CNTNAP2: variants seen among roughly 807,000 people sequenced by gnomAD.
CNTNAP2 encodes contactin associated protein 2.
A neutral mutation model predicts 155.2 loss-of-function variants in CNTNAP2; 98 were observed. The ratio of observed to expected loss-of-function variants is 0.63; its 90% confidence interval spans 0.54 to 0.75. The LOEUF (loss-of-function observed/expected upper bound fraction) is 0.75, where lower values mean the gene tolerates loss of function less well. Among genes scored for constraint, CNTNAP2 ranks in the 30% least tolerant of loss-of-function variants. CNTNAP2 has a pLI of 0.00. For missense variants in CNTNAP2, 1,727 were observed against 1,688.1 expected, an observed-to-expected ratio of 1.02 and a Z score of -0.40; for synonymous variants, 651 against 631.2, an observed-to-expected ratio of 1.03 and a Z score of -0.47.
At chr7:146,728,297 G>GCAGC (rs1229458737) in intron 1 of CNTNAP2, among the ~76,000 whole-genome samples, 1 of 152,176 alleles carries the variant, frequency 6.6e-6, no homozygotes, top group Non-Finnish European at 1.5e-5. Flanking sequence ...GTCAAGATAA[G>GCAGC]TAGCTGTAAT....
At chr7:146,170,932 G>A (rs1584785252) in intron 1 of CNTNAP2, among the ~76,000 whole-genome samples, 1 of 152,048 alleles carries the variant, frequency 6.6e-6, no homozygotes, top group Admixed American at 6.6e-5. Flanking sequence ...GAGGCTCAGG[G>A]AGGAGAATCG....
At chr7:147,767,266 A>C (rs938477206) in intron 13 of CNTNAP2, among the ~76,000 whole-genome samples, 2 of 152,104 alleles carry the variant, frequency 1.3e-5, no homozygotes, top group Non-Finnish European at 2.9e-5. Context: ...AAACAAAACA[A>C]AACAAAACAA....
intron 13 of CNTNAP2, among the ~76,000 whole-genome samples, chr7:147,743,991 C>A (rs1161131644): frequency 3.9e-5 from 6 of 152,124 alleles, no homozygotes; most frequent in African/African-American, 1.4e-4. Context: ...CTGTCATTCT[C>A]CTTATTTGAA....
At chr7:146,388,259 T>C (rs1393066158) in intron 1 of CNTNAP2, among the ~76,000 whole-genome samples, 1 of 151,826 alleles carries the variant, frequency 6.6e-6, no homozygotes, top group Non-Finnish European at 1.5e-5. Flanking sequence ...GGCAAAACCC[T>C]GTTTCTACAA....
At position 147,108,594 on chromosome 7, in the gene CNTNAP2, A is replaced by G. The variant is rs151126448; in HGVS notation, c.754+244A>G. ...GGCCTACAGCAAGGAACAAATAGAC[A>G]AGATCCTTAAGCTCATTAAGTTCAT... On this transcript the variant is annotated intron_variant, in intron 5 of 23. Transcript: ENST00000361727. 3.9e-5 allele frequency among the ~76,000 whole-genome samples: 6 copies of G among 152,322 alleles called. No individual in the cohort carries two copies. In the East Asian group the frequency reaches 1.2e-3, roughly 29 times the overall value.
intron 13 of CNTNAP2, among the ~76,000 whole-genome samples, chr7:147,690,861 T>C (rs1243128538): frequency 6.6e-6 from 1 of 152,176 alleles, no homozygotes; most frequent in Non-Finnish European, 1.5e-5. Context: ...AAAATTATAT[T>C]GTATTTGCAA....
At chr7:147,326,131 A>G (rs529849180) in intron 9 of CNTNAP2, among the ~76,000 whole-genome samples, 9 of 152,238 alleles carry the variant, frequency 5.9e-5, no homozygotes, top group East Asian at 5.8e-4. Context: ...TCACCGTGTT[A>G]GCCAGGATGG....
At chr7:147,233,927 ATC>A (rs1307191047) in intron 8 of CNTNAP2, among the ~76,000 whole-genome samples, 5 of 151,724 alleles carry the variant, frequency 3.3e-5, no homozygotes, top group African/African-American at 1.2e-4. Flanking sequence ...TCTTTATTAC[ATC>A]TCTTTGTAAT....
chr7:146,638,113 A>G (rs1162575675), intron 1 of CNTNAP2, among the ~76,000 whole-genome samples: 1 of 152,152 alleles, frequency 6.6e-6, no homozygotes, highest in Non-Finnish European at 1.5e-5. Flanking sequence ...CTTTTATTGA[A>G]TGTTGTTCTA....
At chr7:148,074,547 G>T (rs1803443773) in intron 15 of CNTNAP2, among the ~76,000 whole-genome samples, 1 of 152,024 alleles carries the variant, frequency 6.6e-6, no homozygotes, top group Non-Finnish European at 1.5e-5. Context: ...AAAATTGCTG[G>T]GCGTGGTGGC....
intron 20 of CNTNAP2, among the ~76,000 whole-genome samples, chr7:148,237,918 G>A (rs759209333): frequency 4.6e-5 from 7 of 152,112 alleles, no homozygotes; most frequent in Non-Finnish European, 1.0e-4. Context: ...GACTTGAGAG[G>A]GCCTTAATGA....
At chr7:146,675,282 T>G (rs1333092057) in intron 1 of CNTNAP2, among the ~76,000 whole-genome samples, 1 of 152,186 alleles carries the variant, frequency 6.6e-6, no homozygotes, top group Admixed American at 6.5e-5. Flanking sequence ...TGACATACCC[T>G]CCTGTTTGGT....
chr7:147,601,596 A>G lies in CNTNAP2; in HGVS notation c.1898-37510A>G, dbSNP rs576476426. ...CTTAGCTTGGGCTCAGAGGCCTGAC[A>G]AGTATATTTTAGTATGTATCTCTTA... On this transcript the variant is annotated intron_variant, in intron 12 of 23. Transcript: ENST00000361727. Among the ~76,000 whole-genome samples, 138 of 149,424 alleles carry G rather than the reference A, an allele frequency of 9.2e-4. 3 individuals are homozygous for G. The Middle Eastern group carries it at 0.014, about 15-fold the overall frequency.
intron 10 of CNTNAP2, among the ~76,000 whole-genome samples, chr7:147,458,620 TG>T (rs1797963441): frequency 6.6e-6 from 1 of 152,196 alleles, no homozygotes; most frequent in Admixed American, 6.5e-5. Flanking sequence ...CCCCTTGGCA[TG>T]GCAACCTTTG....
At position 147,937,347 on chromosome 7, in the gene CNTNAP2, T is replaced by C. The variant is rs533373364; in HGVS notation, c.2255+33626T>C. Among the ~76,000 whole-genome samples the C allele has an allele frequency of 2.6e-5, 4 of 152,210 alleles. No homozygotes were observed. In the South Asian group the frequency reaches 8.3e-4, roughly 32 times the overall value. The stretch of plus-strand genomic sequence containing the variant: ...CTTCCCACCTAAATACATTCAACCA[T>C]CATAACACATTCCAAAATACAGTGG... On this transcript the variant is annotated intron_variant, in intron 14 of 23. Coordinates refer to ENST00000361727, the MANE Select transcript of CNTNAP2 (RefSeq NM_014141.6).
At chr7:147,019,243 G>A (rs1798778457) in intron 3 of CNTNAP2, among the ~76,000 whole-genome samples, 1 of 151,940 alleles carries the variant, frequency 6.6e-6, no homozygotes, top group Non-Finnish European at 1.5e-5. Context: ...GTGTCAAACA[G>A]CATTTCTACA....
chr7:147,887,539 G>A (rs1348683098), intron 13 of CNTNAP2, among the ~76,000 whole-genome samples: 3 of 152,130 alleles, frequency 2.0e-5, no homozygotes, highest in Non-Finnish European at 1.5e-5. Context: ...GCAAGAAATT[G>A]AGGAAGATCC....
chr7:147,939,069 A>G (rs1234803617), intron 14 of CNTNAP2, among the ~76,000 whole-genome samples: 1 of 152,146 alleles, frequency 6.6e-6, no homozygotes, highest in Non-Finnish European at 1.5e-5. Context: ...CTTATCTTTG[A>G]TAAGTTTATT....
At chr7:147,304,101 A>T (rs1584858799) in intron 9 of CNTNAP2, among the ~76,000 whole-genome samples, 1 of 152,136 alleles carries the variant, frequency 6.6e-6, no homozygotes, top group East Asian at 1.9e-4. Flanking sequence ...GTTTCACTCC[A>T]GTGTGCAATT....
Sources: gnomAD v4.1 joint callset for allele counts (sites outside exome capture counted in the v4.1 genomes callset) on GRCh38, gnomAD v4.1.1 for gene constraint, MANE v1.5 for transcripts, NCBI Gene and HGNC (gene_info 2026-07-23, HGNC 2026-07-21) for gene names.